The following AEBP2 variants were observed in gnomAD, a reference collection of about 807,000 sequenced individuals.
AEBP2 encodes the protein AE binding protein 2, also known as zinc finger protein AEBP2.
A neutral mutation model predicts 50.8 loss-of-function variants in AEBP2; 10 were observed. The ratio of observed to expected loss-of-function variants is 0.20; its 90% CI spans 0.12 to 0.33. The LOEUF (loss-of-function observed/expected upper bound fraction) is 0.33, where lower values mean the gene tolerates loss of function less well. Ranked by LOEUF, AEBP2 falls within the 10% of genes least tolerant of loss-of-function variation. The pLI, the probability that AEBP2 is intolerant of heterozygous loss-of-function variation, is 1.00. For synonymous variants in AEBP2, 296 were observed against 261.3 expected (o/e 1.13, Z -1.28); for missense variants, 570 against 688.0 (o/e 0.83, Z 1.92).
intron 5 of AEBP2, among the ~76,000 whole-genome samples, chr12:19,509,967 G>A (rs371891247): frequency 4.0e-5 from 6 of 151,310 alleles, no homozygotes; most frequent in African/African-American, 1.5e-4. Context: ...TGAGTAGCTG[G>A]GATTACTGAC....
chr12:19,508,254 A>G (rs944798655), intron 5 of AEBP2, among the ~76,000 whole-genome samples: 108 of 152,210 alleles, frequency 7.1e-4, no homozygotes, highest in African/African-American at 2.3e-3. Flanking sequence ...AGAAACGGGG[A>G]TTCACCATGT....
chr12:19,508,147 T>C (rs1949179175), intron 5 of AEBP2, among the ~76,000 whole-genome samples: 2 of 152,298 alleles, frequency 1.3e-5, no homozygotes, highest in Admixed American at 1.3e-4. Context: ...TGTTTGGGCT[T>C]TTAAATTTTG....
In AEBP2 at chr12:19,439,696, C is replaced by T. The variant is rs889611030; in HGVS notation, c.-4C>T. On this transcript the variant is annotated 5_prime_UTR_variant, in exon 1 of 8. Transcript: ENST00000266508. ...GAGGAGGAGGAGGAGGAGCAGGCGC[C>T]GCCATGGCCGCCGCTATCACCGACA... 5 of 1,514,130 alleles carry T rather than the reference C, an allele frequency of 3.3e-6. No individual in the cohort carries two copies. Among genetic ancestry groups the T allele is most frequent in the Non-Finnish European group, 2.6e-6 (3 of 1,137,848 alleles). The allele number at this position is 1,514,130 out of a possible 1,614,324, so 93.8% of individuals were successfully genotyped here.
chr12:19,440,750 C>G (rs1348268346), intron 1 of AEBP2: 2 of 1,533,404 alleles, frequency 1.3e-6, no homozygotes, highest in African/African-American at 1.4e-5. Context: ...CAACCGTGTT[C>G]GGGAACACTT....
At chr12:19,492,499 A>C (rs1389822469) in intron 3 of AEBP2, among the ~76,000 whole-genome samples, 2 of 152,120 alleles carry the variant, frequency 1.3e-5, no homozygotes, top group Non-Finnish European at 2.9e-5. Context: ...TATGACCAAC[A>C]CTGAGCATGT....
chr12:19,458,243 G>C (rs1220818921), intron 1 of AEBP2, among the ~76,000 whole-genome samples: 1 of 152,204 alleles, frequency 6.6e-6, no homozygotes, highest in Non-Finnish European at 1.5e-5. Flanking sequence ...CATCAGTCGA[G>C]AGAATGGAGA....
chr12:19,433,928 C>T (rs2095752770), intron 1 of AEBP2, among the ~76,000 whole-genome samples: 1 of 151,980 alleles, frequency 6.6e-6, no homozygotes, highest in Non-Finnish European at 1.5e-5. Context: ...CTCACTGCAA[C>T]CTCTGCCTCC....
At chr12:19,456,494 A>C in intron 1 of AEBP2, 1 of 1,500,032 alleles carries the variant, frequency 6.7e-7, no homozygotes, top group Admixed American at 1.7e-5. Context: ...CAACATGGCG[A>C]TCCATCTTTT....
In AEBP2 at chr12:19,518,837, G is replaced by T. The variant is rs1383175035; in HGVS notation, c.*720G>T. The stretch of plus-strand genomic sequence containing the variant: ...TTCAGGACTAGGGCTTTCTCATGGA[G>T]TACAGTATGTTAATATTTACCTATA... On this transcript the variant is annotated 3_prime_UTR_variant, in exon 8 of 8. Coordinates refer to ENST00000266508, the MANE Select transcript of AEBP2 (RefSeq NM_153207.5). The T allele has an allele frequency of 1.4e-6, 1 of 722,440 alleles. No homozygotes were observed. The highest frequency in any genetic ancestry group is 2.1e-6 in the Non-Finnish European group (1 of 484,020). The allele number at this position is 722,440 out of a possible 1,614,324, so 44.8% of individuals were successfully genotyped here.
chr12:19,471,377 A>C lies in AEBP2; in HGVS notation c.880-1871A>C, dbSNP rs113123217. Among the ~76,000 whole-genome samples the C allele has an allele frequency of 3.8e-3, 580 of 151,940 alleles. 6 individuals carry two copies. The highest frequency in any genetic ancestry group is 0.014 in the African/African-American group (564 of 41,460). ...AGCAATCCTCCTGCCTTGGCCTTCC[A>C]AAGTGCTGGGGTTAGAGGTGTGAGC... On this transcript the variant is annotated intron_variant, in intron 2 of 7. Transcript: ENST00000266508.
chr12:19,431,459 C>CA (rs1244382367), intron 1 of AEBP2, among the ~76,000 whole-genome samples: 1 of 152,036 alleles, frequency 6.6e-6, no homozygotes, highest in Non-Finnish European at 1.5e-5. Context: ...CACGAAAAGA[C>CA]AAAAAATGTG....
At chr12:19,512,051 A>C (rs1392371003) in intron 5 of AEBP2, among the ~76,000 whole-genome samples, 1 of 151,494 alleles carries the variant, frequency 6.6e-6, no homozygotes, top group African/African-American at 2.4e-5. Flanking sequence ...TTTCTCTGAG[A>C]TGGAGTCTTG....
chr12:19,509,340 C>A (rs1364178630), intron 5 of AEBP2: 3 of 190,770 alleles, frequency 1.6e-5, no homozygotes, highest in Non-Finnish European at 3.2e-5. Context: ...CTAAGCTAAG[C>A]CACATACTTA....
chr12:19,431,451 C>T (rs368298607), intron 1 of AEBP2, among the ~76,000 whole-genome samples: 39 of 152,084 alleles, frequency 2.6e-4, no homozygotes, highest in East Asian at 1.2e-3. Context: ...ATAAAATACA[C>T]GAAAAGACAA....
intron 3 of AEBP2, among the ~76,000 whole-genome samples, chr12:19,473,737 CA>C (rs1948607325): frequency 6.6e-6 from 1 of 152,124 alleles, no homozygotes. Context: ...CTTAAGCTGA[CA>C]TGTTTCCTAA....
chr12:19,446,262 G>A (rs1008655400), intron 1 of AEBP2, among the ~76,000 whole-genome samples: 2 of 152,176 alleles, frequency 1.3e-5, no homozygotes, highest in African/African-American at 4.8e-5. Flanking sequence ...TTAAAGAGCA[G>A]GCTAAAGAGA....
rs77757211 is a variant in AEBP2 at position 19,519,884 on chromosome 12, A to T, written c.*1767A>T. On this transcript the variant is annotated 3_prime_UTR_variant, in exon 8 of 8. Coordinates refer to ENST00000266508, the MANE Select transcript of AEBP2 (RefSeq NM_153207.5). ...AATAAAAGCACTGCTACTATAAGAC[A>T]TTCTGGAATGGTTGTTTAATAAGGG... The T allele has an allele frequency of 2.2e-4, 34 of 152,560 alleles. No individual in the cohort carries two copies. The East Asian group carries it at 6.4e-3, about 29-fold the overall frequency. The allele number at this position is 152,560 out of a possible 1,614,324, so 9.5% of individuals were successfully genotyped here. A position where few individuals can be genotyped will look rare whatever the true frequency, so the allele number is the denominator to read the frequency against.
intron 3 of AEBP2, among the ~76,000 whole-genome samples, chr12:19,473,674 G>C (rs1009270707): frequency 2.0e-5 from 3 of 152,140 alleles, no homozygotes; most frequent in African/African-American, 7.2e-5. Flanking sequence ...CCAAAGTGCT[G>C]GGATTACAGG....
At chr12:19,431,711 A>G (rs550003937) in intron 1 of AEBP2, among the ~76,000 whole-genome samples, 1 of 152,164 alleles carries the variant, frequency 6.6e-6, no homozygotes, top group Non-Finnish European at 1.5e-5. Flanking sequence ...ACAGAATGGG[A>G]AAACTTGCAT....
Sources: allele counts gnomAD v4.1 joint callset (sites outside exome capture counted in the v4.1 genomes callset), GRCh38; gene constraint gnomAD v4.1.1; transcripts MANE v1.5; gene names NCBI Gene and HGNC (gene_info 2026-07-23, HGNC 2026-07-21).